Variants in KCNH1 observed in about 807,000 individuals in gnomAD.
KCNH1 encodes voltage-gated delayed rectifier potassium channel KCNH1.
A neutral mutation model predicts 69.2 loss-of-function variants in KCNH1; 27 were observed. The ratio of observed to expected loss-of-function variants is 0.39; its 90% CI spans 0.29 to 0.54. The LOEUF (loss-of-function observed/expected upper bound fraction) is 0.54. KCNH1 is among the 20% of genes least tolerant of loss of function. KCNH1 has a pLI of 0.68. For synonymous variants in KCNH1, 456 were observed against 487.7 expected, an observed-to-expected ratio of 0.93 and a Z score of 0.86; for missense variants, 798 against 1,261.6, an observed-to-expected ratio of 0.63 and a Z score of 5.57.
At chr1:211,020,491 T>A (rs1571583909) in intron 5 of KCNH1, among the ~76,000 whole-genome samples, 1 of 149,786 alleles carries the variant, frequency 6.7e-6, no homozygotes. Flanking sequence ...GAATCAGTAA[T>A]AAAAAAAAAA....
At chr1:210,936,927 T>C (rs1008599231) in intron 6 of KCNH1, among the ~76,000 whole-genome samples, 7 of 152,128 alleles carry the variant, frequency 4.6e-5, no homozygotes, top group Non-Finnish European at 7.4e-5. Context: ...AATTTTTGGC[T>C]TCTCTTTGAT....
At chr1:210,843,670 T>G (rs939775182) in intron 7 of KCNH1, among the ~76,000 whole-genome samples, 2 of 152,188 alleles carry the variant, frequency 1.3e-5, no homozygotes, top group Non-Finnish European at 2.9e-5. Flanking sequence ...TCATGTCCAT[T>G]TAATGCATGT....
intron 7 of KCNH1, among the ~76,000 whole-genome samples, chr1:210,818,452 C>G (rs747755012): frequency 6.6e-6 from 1 of 152,146 alleles, no homozygotes; most frequent in Non-Finnish European, 1.5e-5. Flanking sequence ...TTTGCAGTCA[C>G]GCTGACTATC....
At chr1:210,684,955 A>C (rs1425353334) in intron 10 of KCNH1, among the ~76,000 whole-genome samples, 1 of 152,206 alleles carries the variant, frequency 6.6e-6, no homozygotes, top group Non-Finnish European at 1.5e-5. Flanking sequence ...GGGTGGCTAA[A>C]TATCACATAA....
intron 7 of KCNH1, among the ~76,000 whole-genome samples, chr1:210,887,489 A>G (rs1686639394): frequency 6.6e-6 from 1 of 152,134 alleles, no homozygotes; most frequent in African/African-American, 2.4e-5. Context: ...GCATCAACTA[A>G]CAGGCAAAAT....
intron 1 of KCNH1, among the ~76,000 whole-genome samples, chr1:211,114,807 C>A (rs1691536901): frequency 6.6e-6 from 1 of 152,072 alleles, no homozygotes; most frequent in African/African-American, 2.4e-5. Context: ...TTAAGCTAAG[C>A]AAAACATAAT....
intron 6 of KCNH1, among the ~76,000 whole-genome samples, chr1:210,966,314 A>G (rs1045160349): frequency 7.9e-5 from 12 of 152,238 alleles, no homozygotes; most frequent in Non-Finnish European, 1.8e-4. Flanking sequence ...CATTCAGGAC[A>G]TAGGCATGGG....
chr1:210,957,255 T>C (rs1465182628), intron 6 of KCNH1, among the ~76,000 whole-genome samples: 2 of 152,168 alleles, frequency 1.3e-5, no homozygotes, highest in South Asian at 2.1e-4. Context: ...AAGTTCTAAT[T>C]TGATTGCACT....
At chr1:210,851,366 G>C (rs1685699998) in intron 7 of KCNH1, among the ~76,000 whole-genome samples, 1 of 152,196 alleles carries the variant, frequency 6.6e-6, no homozygotes, top group South Asian at 2.1e-4. Flanking sequence ...AGTGTGGTAG[G>C]AAAGCTATGT....
At chr1:210,798,065 A>C (rs575426349) in intron 8 of KCNH1, among the ~76,000 whole-genome samples, 1 of 141,758 alleles carries the variant, frequency 7.1e-6, no homozygotes, top group Non-Finnish European at 1.5e-5. Context: ...TTTAAGACAG[A>C]GTCTTGCTCT....
intron 6 of KCNH1, among the ~76,000 whole-genome samples, chr1:210,971,467 C>G (rs1688510123): frequency 6.6e-6 from 1 of 152,088 alleles, no homozygotes; most frequent in African/African-American, 2.4e-5. Flanking sequence ...AACTTAAAAT[C>G]AAATTAGTTA....
intron 10 of KCNH1, among the ~76,000 whole-genome samples, chr1:210,707,113 A>G (rs764739415): frequency 5.9e-5 from 9 of 152,162 alleles, no homozygotes; most frequent in Non-Finnish European, 8.8e-5. Context: ...GAATGCACTG[A>G]GGTCAGGTTT....
At chr1:210,977,250 C>T (rs1471367619) in intron 6 of KCNH1, among the ~76,000 whole-genome samples, 1 of 152,044 alleles carries the variant, frequency 6.6e-6, no homozygotes, top group Non-Finnish European at 1.5e-5. Flanking sequence ...ACAATGAGAA[C>T]ACTAGGACAC....
At position 210,683,694 on chromosome 1, in the gene KCNH1, C is replaced by A. The variant is rs1202392316; in HGVS notation, c.2557G>T (p.Val853Leu). ...ACGKSEDWNK[V>L]SKAESMETLP... ...GTCTCCATCGACTCAGCCTTGGACA[C>A]CTTGTTCCAGTCCTCACTCTTCCCG... Residue 853 changes from valine to leucine, a missense_variant, in exon 11 of 11, where the codon GTG becomes TTG. This residue lies in a region of KCNH1 where 331 missense variants were observed against 363.2 expected (regional missense o/e 0.91). Transcript: ENST00000271751. The surrounding 1 kb of genome is among the most constrained non-coding windows in gnomAD (Gnocchi z 5.7). 2 of 1,614,230 alleles carry A rather than the reference C, an allele frequency of 1.2e-6. No individual in the cohort carries two copies. Among genetic ancestry groups the A allele is most frequent in the East Asian group, 2.2e-5 (1 of 44,876 alleles).
rs2102467093 is a variant in KCNH1, at chr1:211,082,680, A to G, written c.558+100T>C. ...CCAAGACAGGCGTCTGGGGGTCCTG[A>G]AGGTCCTCTCCATGATTAGCACACT... is the stretch of plus-strand genomic sequence containing the variant. On this transcript the variant is annotated intron_variant, in intron 5 of 10. Coordinates refer to ENST00000271751, the MANE Select transcript of KCNH1 (RefSeq NM_172362.3). 1.1e-5 allele frequency: 10 copies of G among 912,180 alleles called. No homozygotes were observed. In the South Asian group the frequency reaches 1.6e-4, roughly 14 times the overall value. The allele number at this position is 912,180 out of a possible 1,614,324, so 56.5% of individuals were successfully genotyped here. A position where few individuals can be genotyped will look rare whatever the true frequency, so the allele number is the denominator to read the frequency against.
rs560279844 is a variant in KCNH1 at position 210,941,590 on chromosome 1, A to G, written c.1033-21521T>C. 9.8e-5 allele frequency among the ~76,000 whole-genome samples: 15 copies of G among 152,300 alleles called. No individual in the cohort carries two copies. In the East Asian group the frequency reaches 1.2e-3, roughly 12 times the overall value. ...GACTACCTCACATGTTGGGCAAACC[A>G]AAGCTCTGCGAGGCAGAGCACCCTC... is the stretch of plus-strand genomic sequence containing the variant. On this transcript the variant is annotated intron_variant, in intron 6 of 10. Coordinates refer to ENST00000271751, the MANE Select transcript of KCNH1 (RefSeq NM_172362.3).
intron 6 of KCNH1, among the ~76,000 whole-genome samples, chr1:211,004,157 T>G (rs1007943796): frequency 6.6e-6 from 1 of 152,046 alleles, no homozygotes; most frequent in African/African-American, 2.4e-5. Flanking sequence ...TGCAAATATC[T>G]TTCAAGAATT....
intron 5 of KCNH1, among the ~76,000 whole-genome samples, chr1:211,076,028 G>A (rs1007188606): frequency 1.3e-5 from 2 of 152,246 alleles, no homozygotes; most frequent in Admixed American, 1.3e-4. Flanking sequence ...CTGGCAGGGG[G>A]AGGGGCATCC....
chr1:210,846,260 CCG>C (rs1429578412), intron 7 of KCNH1, among the ~76,000 whole-genome samples: 3 of 152,144 alleles, frequency 2.0e-5, no homozygotes, highest in Non-Finnish European at 4.4e-5. Flanking sequence ...AAAAAAGAGC[CCG>C]CATCGCCAAG....
Sources: allele counts gnomAD v4.1 joint callset (sites outside exome capture counted in the v4.1 genomes callset), GRCh38; gene constraint gnomAD v4.1.1; regional missense constraint gnomAD v4.1.1; non-coding constraint Gnocchi (gnomAD v3.1); transcripts MANE v1.5; gene names NCBI Gene and HGNC (gene_info 2026-07-23, HGNC 2026-07-21).